PIWIL3: variants seen among roughly 807,000 people sequenced by gnomAD.
PIWIL3 encodes the protein piwi-like protein 3.
A neutral mutation model predicts 109.7 loss-of-function variants in PIWIL3; 101 were observed. That is an observed-to-expected ratio of 0.92 (90% CI 0.78 to 1.09). The LOEUF (loss-of-function observed/expected upper bound fraction) is 1.09. Among genes scored for constraint, PIWIL3 ranks in the 50% least tolerant of loss-of-function variants. The pLI is 0.00. For synonymous variants in PIWIL3, 373 were observed against 376.4 expected, an observed-to-expected ratio of 0.99 and a Z score of 0.10; for missense variants, 1,031 against 1,072.6, an observed-to-expected ratio of 0.96 and a Z score of 0.54.
At chr22:24,756,094 A>C (rs998252748) in intron 5 of PIWIL3, among the ~76,000 whole-genome samples, 189 bp from the exon 6 acceptor site, 9 of 152,224 alleles carry the variant, frequency 5.9e-5, no homozygotes, top group Non-Finnish European at 1.0e-4. Flanking sequence ...TAAATATTTA[A>C]GTCGAAATAT....
At chr22:24,748,545 A>AC (rs1452137955) in intron 12 of PIWIL3, among the ~76,000 whole-genome samples, 1 of 152,218 alleles carries the variant, frequency 6.6e-6, no homozygotes, top group African/African-American at 2.4e-5. Flanking sequence ...AAATATACAT[A>AC]CCTACTATGT....
chr22:24,724,913 G>A lies in PIWIL3; in HGVS notation c.2205C>T (p.Thr735=). 4 of 1,614,010 alleles carry A rather than the reference G, an allele frequency of 2.5e-6. No individual in the cohort carries two copies. The Middle Eastern group carries it at 4.9e-4, about 200-fold the overall frequency. ...TGTTAGGAGAGATGGTTTTTAAGTA[G>A]GTCGACATCTTTTTCGCTTCATGGT... ...LLDHEAKKMS[T]YLKTISPNNF... Residue 735 remains threonine, a synonymous_variant, in exon 18 of 21, where the codon ACC becomes ACT. Coordinates refer to ENST00000616349, the MANE Select transcript of PIWIL3 (RefSeq NM_001255975.1).
In PIWIL3 at chr22:24,754,843, A is replaced by G; in HGVS notation, c.714T>C (p.Phe238=). Residue 238 remains phenylalanine (F), a synonymous_variant, in exon 7 of 21, where the codon TTT becomes TTC. Coordinates refer to ENST00000616349, the MANE Select transcript of PIWIL3 (RefSeq NM_001255975.1). Reference sequence around the variant, plus strand: ...TATAATAGTTGCGACCAACTTGTTCAAAATCCAGCAGCTTGAAAGTTCTGG... The same window carrying G: ...TATAATAGTTGCGACCAACTTGTTCGAAATCCAGCAGCTTGAAAGTTCTGG... ...LFRRTFKLLD[F]EQVGRNYYTK... is the part of the protein sequence containing the mutation. 6.2e-7 allele frequency: 1 copy of G among 1,612,852 alleles called. No homozygotes were observed. Among genetic ancestry groups the G allele is most frequent in the Non-Finnish European group, 8.5e-7 (1 of 1,178,934 alleles).
Position 24,735,777 on chromosome 22 carries a change from G to T in PIWIL3, c.1565C>A (p.Ala522Asp). 6.2e-7 allele frequency: 1 copy of T among 1,614,040 alleles called. No homozygotes were observed. Residue 522 changes from alanine to aspartate, a missense_variant, in exon 13 of 21, where the codon GCC becomes GAC. Physicochemically the swap from Ala to Asp is moderately radical, Grantham distance 126. Transcript: ENST00000616349. ...CTGTAGATGACCCTTTAAGGACATG[G>T]CTTCTCTGTGACTGCTCCTGCTATA... ...ILYSRSSHREAMSLKGHLQSV... is the reference protein window; with the variant it reads ...ILYSRSSHREDMSLKGHLQSV...
chr22:24,755,772 C>G lies in PIWIL3; in HGVS notation c.692+12G>C, dbSNP rs377206375. ...GAATGAGTATCAAAGAAACTCAACC[C>G]CGGTAACATACCTTCTAAAGAGAAT... On this transcript the variant is annotated intron_variant, in intron 6 of 20. Transcript: ENST00000616349. The G allele has an allele frequency of 1.9e-6, 3 of 1,613,664 alleles. No individual in the cohort carries two copies. In the African/African-American group the frequency reaches 4.0e-5, roughly 22 times the overall value.
In PIWIL3 at chr22:24,763,132, G is replaced by A. The variant is rs533974543; in HGVS notation, c.-22-611C>T. On this transcript the variant is annotated intron_variant, in intron 1 of 20. Coordinates refer to ENST00000616349, the MANE Select transcript of PIWIL3 (RefSeq NM_001255975.1). ...TCCTATAATAAAAGACAGGAGACCT[G>A]GTAAAACTTTTTTTTCTTTTTTTTT... is the stretch of plus-strand genomic sequence containing the variant. Among the ~76,000 whole-genome samples the A allele has an allele frequency of 2.7e-5, 4 of 147,744 alleles. No individual in the cohort carries two copies. In the South Asian group the frequency reaches 8.9e-4, roughly 33 times the overall value.
intron 1 of PIWIL3, among the ~76,000 whole-genome samples, chr22:24,768,973 T>G (rs987903326): frequency 3.9e-5 from 6 of 152,300 alleles, no homozygotes; most frequent in Admixed American, 2.6e-4. Flanking sequence ...AGCTTGTCTG[T>G]GCCTGGGACA....
rs1442844834 is a variant in PIWIL3, at chr22:24,754,025, A to C, written c.966T>G (p.Ile322Met). 1.2e-6 allele frequency: 2 copies of C among 1,605,402 alleles called. No homozygotes were observed. The highest frequency in any genetic ancestry group is 2.7e-5 in the African/African-American group (2 of 74,718). Reference sequence around the variant, plus strand: ...AAAGACAGACTTACTTTGTCAGAACAATTGATCCAATTAATTTATTAGTTA... The same window carrying C: ...AAAGACAGACTTACTTTGTCAGAACCATTGATCCAATTAATTTATTAGTTA... ...EEVTNKLIGS[I>M]VLTKYNNKTY... The change falls in exon 8 of 21, where the codon ATT (isoleucine) becomes ATG (methionine). Residue 322 changes from isoleucine (I) to methionine (M), a missense_variant. Transcript: ENST00000616349.
intron 12 of PIWIL3, among the ~76,000 whole-genome samples, chr22:24,742,878 C>T (rs1924092592): frequency 6.6e-6 from 1 of 152,086 alleles, no homozygotes; most frequent in Non-Finnish European, 1.5e-5. Context: ...GCAAATGCAA[C>T]ACAAAGATAA....
In PIWIL3 at chr22:24,744,160, T is replaced by C. The variant is rs118052515; in HGVS notation, c.1449+4747A>G. On this transcript the variant is annotated intron_variant, in intron 12 of 20. Transcript: ENST00000616349. ...TGAATGTAAATGGACTAAACTCTAA[T>C]TGAAAGAGTGACCGAATTAAAAAAA... Among the ~76,000 whole-genome samples the C allele has an allele frequency of 1.5e-3, 110 of 73,574 alleles. 1 individual carries two copies. In the East Asian group the frequency reaches 0.043, roughly 29 times the overall value. The allele number at this position is 73,574 out of a possible 152,430, so 48.3% of individuals were successfully genotyped here. A position where few individuals can be genotyped will look rare whatever the true frequency, so the allele number is the denominator to read the frequency against.
intron 6 of PIWIL3, among the ~76,000 whole-genome samples, chr22:24,755,418 C>T (rs1006415038): frequency 6.6e-6 from 1 of 152,228 alleles, no homozygotes; most frequent in Non-Finnish European, 1.5e-5. Context: ...CCACCACGCC[C>T]GGCCTCAAAC....
intron 18 of PIWIL3, among the ~76,000 whole-genome samples, chr22:24,724,201 C>G (rs566223768): frequency 6.6e-6 from 1 of 152,242 alleles, no homozygotes; most frequent in South Asian, 2.1e-4. Context: ...ATATCAAGCT[C>G]CTACTCTCAT....
chr22:24,771,852 T>C (rs138284475), intron 1 of PIWIL3, among the ~76,000 whole-genome samples: 72 of 152,160 alleles, frequency 4.7e-4, no homozygotes, highest in African/African-American at 1.7e-3. Context: ...TCCTTCCTCA[T>C]GCCCGGCTAA....
At chr22:24,721,554 T>A (rs964338474) in intron 19 of PIWIL3, among the ~76,000 whole-genome samples, 3 of 152,200 alleles carry the variant, frequency 2.0e-5, no homozygotes, top group Non-Finnish European at 4.4e-5. Flanking sequence ...TTTTCATATC[T>A]TCCATATCTT....
intron 1 of PIWIL3, among the ~76,000 whole-genome samples, chr22:24,764,907 G>T (rs918328050): frequency 6.6e-6 from 1 of 152,172 alleles, no homozygotes; most frequent in African/African-American, 2.4e-5. Flanking sequence ...TGTGGTTTGG[G>T]AGAAATGGAT....
At chr22:24,741,180 G>T (rs1363256380) in intron 12 of PIWIL3, among the ~76,000 whole-genome samples, 2 of 152,198 alleles carry the variant, frequency 1.3e-5, no homozygotes, top group Admixed American at 1.3e-4. Context: ...CTCAATAGAT[G>T]CAGAAAAAGC....
intron 14 of PIWIL3, among the ~76,000 whole-genome samples, chr22:24,731,530 A>G (rs896068391): frequency 2.0e-5 from 3 of 151,832 alleles, no homozygotes; most frequent in African/African-American, 7.3e-5. Context: ...GGACGCCTGT[A>G]GTCCCAGCTA....
intron 4 of PIWIL3, among the ~76,000 whole-genome samples, chr22:24,757,417 C>T (rs1488472144): frequency 6.6e-6 from 1 of 151,980 alleles, no homozygotes; most frequent in Non-Finnish European, 1.5e-5. Flanking sequence ...TCCAGACCAG[C>T]TTGGGCAAGG....
At chr22:24,760,832 G>A (rs928650445) in intron 2 of PIWIL3, among the ~76,000 whole-genome samples, 13 of 144,170 alleles carry the variant, frequency 9.0e-5, no homozygotes, top group Non-Finnish European at 1.5e-4. Context: ...GCAGAGGAAC[G>A]ACATGAACTA....
Sources: gnomAD v4.1 joint callset for allele counts (sites outside exome capture counted in the v4.1 genomes callset) on GRCh38, gnomAD v4.1.1 for gene constraint, MANE v1.5 for transcripts, NCBI Gene and HGNC (gene_info 2026-07-23, HGNC 2026-07-21) for gene names.